LNX1: variants seen among roughly 807,000 people sequenced by gnomAD.
The protein encoded by LNX1 is ligand of numb-protein X 1.
In LNX1, 54 loss-of-function variants were observed where a neutral mutation model predicts 68.4. That is an observed-to-expected ratio of 0.79 (90% CI 0.63 to 0.99). The LOEUF is 0.99. Ranked by LOEUF, LNX1 falls within the 50% of genes least tolerant of loss-of-function variation. LNX1 has a pLI of 0.00. For missense variants in LNX1, 906 were observed against 926.4 expected (o/e 0.98, Z 0.29); for synonymous variants, 336 against 350.0 (o/e 0.96, Z 0.45).
At chr4:53,564,802 C>T (rs556247052) in intron 2 of LNX1, among the ~76,000 whole-genome samples, 18 of 152,236 alleles carry the variant, frequency 1.2e-4, no homozygotes, top group African/African-American at 3.6e-4. Context: ...CTGCGCCAGC[C>T]GAAGCAGGGC....
intron 9 of LNX1, among the ~76,000 whole-genome samples, chr4:53,463,107 T>C (rs1722309718): frequency 6.6e-6 from 1 of 152,130 alleles, no homozygotes; most frequent in East Asian, 1.9e-4. Context: ...TTAAAATAGA[T>C]AAATGAGTAT....
At chr4:53,633,706 T>G (rs1019506668) in intron 1 of LNX1, among the ~76,000 whole-genome samples, 3 of 152,180 alleles carry the variant, frequency 2.0e-5, no homozygotes, top group African/African-American at 7.2e-5. Flanking sequence ...ATTAGGCTAG[T>G]GTTTGACATG....
At chr4:53,554,870 C>T (rs1375700079) in intron 2 of LNX1, among the ~76,000 whole-genome samples, 7 of 146,120 alleles carry the variant, frequency 4.8e-5, no homozygotes, top group African/African-American at 1.8e-4. Flanking sequence ...AAAAAAAATC[C>T]TGCCTTGCCC....
At chr4:53,508,518 T>C in intron 2 of LNX1, 1 of 357,626 alleles carries the variant, frequency 2.8e-6, no homozygotes, top group Non-Finnish European at 5.2e-6. Context: ...CCATGGTGTC[T>C]ACATGAGTAG....
At chr4:53,517,780 G>A (rs1560640917) in intron 2 of LNX1, among the ~76,000 whole-genome samples, 1 of 151,964 alleles carries the variant, frequency 6.6e-6, no homozygotes, top group East Asian at 1.9e-4. Flanking sequence ...ACTGCACATG[G>A]AAAAAAGTTA....
At chr4:53,612,689 G>C (rs1188578366) in intron 2 of LNX1, among the ~76,000 whole-genome samples, 3 of 138,260 alleles carry the variant, frequency 2.2e-5, no homozygotes, top group African/African-American at 7.9e-5. Flanking sequence ...GGTATGGTAT[G>C]CCAGCTAATT....
intron 5 of LNX1, among the ~76,000 whole-genome samples, chr4:53,497,028 T>C (rs1362243071): frequency 1.3e-5 from 2 of 152,200 alleles, no homozygotes; most frequent in African/African-American, 4.8e-5. Context: ...TTTTTGCCCA[T>C]GTTCTCAGCA....
At chr4:53,527,394 T>C (rs1322177789) in intron 2 of LNX1, among the ~76,000 whole-genome samples, 3 of 152,200 alleles carry the variant, frequency 2.0e-5, no homozygotes, top group Non-Finnish European at 2.9e-5. Context: ...CCCTATATGA[T>C]GGCTTCAAAA....
rs151140045 is a variant in LNX1, at chr4:53,471,072, A to G, written c.1892+5681T>C. Among the ~76,000 whole-genome samples, 18 of 31,310 alleles carry G rather than the reference A, an allele frequency of 5.7e-4. 6 individuals carry two copies. Among genetic ancestry groups the G allele is most frequent in the East Asian group, 1.5e-3 (2 of 1,346 alleles). 20.5% of individuals were successfully genotyped at this position (31,310 alleles called of 152,430 possible). A position where few individuals can be genotyped will look rare whatever the true frequency, so the allele number is the denominator to read the frequency against. On this transcript the variant is annotated intron_variant, in intron 9 of 10. Coordinates refer to ENST00000263925, the MANE Select transcript of LNX1 (RefSeq NM_001126328.3). ...AAAGGAACAAAGCTGGAGGCATCGC[A>G]CTACCTGACTTCAAACTATACTACA... is the stretch of plus-strand genomic sequence containing the variant.
At chr4:53,608,726 G>A (rs1733329772) in intron 2 of LNX1, among the ~76,000 whole-genome samples, 2 of 152,002 alleles carry the variant, frequency 1.3e-5, no homozygotes, top group African/African-American at 2.4e-5. Flanking sequence ...CCCATCAACG[G>A]TAGAATGGAT....
chr4:53,498,096 T>TC (rs1255742384), intron 5 of LNX1, among the ~76,000 whole-genome samples: 1 of 152,156 alleles, frequency 6.6e-6, no homozygotes, highest in East Asian at 1.9e-4. Context: ...AACACCTGTC[T>TC]CCCCTGGTAT....
At chr4:53,571,182 G>C (rs922334090) in intron 2 of LNX1, among the ~76,000 whole-genome samples, 2 of 152,050 alleles carry the variant, frequency 1.3e-5, no homozygotes. Context: ...ACCATGCCCA[G>C]CTAATTTTTA....
chr4:53,522,531 G>A (rs1182349320), intron 2 of LNX1, among the ~76,000 whole-genome samples: 1 of 152,168 alleles, frequency 6.6e-6, no homozygotes, highest in East Asian at 1.9e-4. Context: ...GACACAGAGA[G>A]TTGCATGGAT....
intron 2 of LNX1, 47 bp downstream of exon 2, chr4:53,573,576 G>A (rs1466693097): frequency 7.2e-7 from 1 of 1,391,578 alleles, no homozygotes; most frequent in Non-Finnish European, 1.0e-6. Context: ...GGGTCCAGCT[G>A]TCCCGCTTGG....
At chr4:53,561,926 A>C (rs1730319350) in intron 2 of LNX1, among the ~76,000 whole-genome samples, 2 of 144,602 alleles carry the variant, frequency 1.4e-5, no homozygotes, top group South Asian at 4.2e-4. Context: ...GTATCCCAGA[A>C]TTAAAAAAAA....
intron 6 of LNX1, among the ~76,000 whole-genome samples, chr4:53,485,737 A>G (rs1724243313): frequency 6.6e-6 from 1 of 152,180 alleles, no homozygotes; most frequent in Non-Finnish European, 1.5e-5. Context: ...ATGCAGAGAA[A>G]CATCCCCTAG....
chr4:53,479,963 C>G (rs1242551780), intron 7 of LNX1, among the ~76,000 whole-genome samples: 1 of 152,246 alleles, frequency 6.6e-6, no homozygotes, highest in Non-Finnish European at 1.5e-5. Context: ...CCTTGCCTCC[C>G]CACAGAGGTA....
At chr4:53,507,293 C>G (rs747985840) in intron 4 of LNX1, 24 bp downstream of exon 4, 62 of 1,607,676 alleles carry the variant, frequency 3.9e-5, no homozygotes, top group Non-Finnish European at 4.7e-5. Context: ...CATGTCCATC[C>G]AGCCTTATGG....
intron 1 of LNX1, among the ~76,000 whole-genome samples, chr4:53,641,593 C>A (rs1236453960): frequency 6.6e-6 from 1 of 152,156 alleles, no homozygotes; most frequent in South Asian, 2.1e-4. Context: ...TGCATCTGAT[C>A]AATTTTGGCA....
Sources: allele counts gnomAD v4.1 joint callset (sites outside exome capture counted in the v4.1 genomes callset), GRCh38; gene constraint gnomAD v4.1.1; transcripts MANE v1.5; gene names NCBI Gene and HGNC (gene_info 2026-07-23, HGNC 2026-07-21).